The following NSUN6 variants were observed in gnomAD, a reference collection of about 807,000 sequenced individuals.
NSUN6 encodes the protein NOP2/Sun RNA methyltransferase 6.
A neutral mutation model predicts 58.0 loss-of-function variants in NSUN6; 64 were observed. The observed-to-expected ratio is 1.10, with a 90% CI of 0.90 to 1.36. NSUN6 has a LOEUF of 1.36. NSUN6 is among the 40% of genes most tolerant of loss of function. NSUN6 has a pLI of 0.00. For synonymous variants in NSUN6, 231 were observed against 193.9 expected, an observed-to-expected ratio of 1.19 and a Z score of -1.59; for missense variants, 701 against 550.1, an observed-to-expected ratio of 1.27 and a Z score of -2.74.
intron 3 of NSUN6, among the ~76,000 whole-genome samples, chr10:18,630,853 A>G (rs1270308670): frequency 6.6e-6 from 1 of 152,138 alleles, no homozygotes; most frequent in Non-Finnish European, 1.5e-5. Context: ...ATTCCTTCTG[A>G]AACTATTCCA....
chr10:18,602,238 G>GC (rs1262929791), intron 6 of NSUN6, among the ~76,000 whole-genome samples: 32 of 149,046 alleles, frequency 2.1e-4, no homozygotes, highest in African/African-American at 2.2e-4. Context: ...AATTTTTGTG[G>GC]GGTTTTTTTT....
chr10:18,579,235 C>A (rs572479397), intron 8 of NSUN6, among the ~76,000 whole-genome samples: 121 of 152,152 alleles, frequency 8.0e-4, no homozygotes, highest in African/African-American at 2.8e-3. Flanking sequence ...TGCAGTGGAG[C>A]GATCTCGGCT....
chr10:18,576,469 G>A (rs1159626105), intron 8 of NSUN6, among the ~76,000 whole-genome samples: 1 of 152,126 alleles, frequency 6.6e-6, no homozygotes, highest in East Asian at 1.9e-4. Flanking sequence ...CCACTAAAGA[G>A]CAAGGATGGA....
chr10:18,616,160 G>A (rs751112953), intron 4 of NSUN6, 24 bp downstream of exon 4: 10 of 1,263,884 alleles, frequency 7.9e-6, no homozygotes, highest in African/African-American at 4.5e-5. Context: ...GAACCTTAAA[G>A]ACAAATCTAA....
chr10:18,606,028 A>T (rs1013577612), intron 6 of NSUN6, among the ~76,000 whole-genome samples: 2 of 152,224 alleles, frequency 1.3e-5, no homozygotes, highest in Non-Finnish European at 2.9e-5. Context: ...GGAAAAAAAG[A>T]AATTACACAA....
At chr10:18,562,020 T>TGGAATGGAATGC (rs1388967393) in intron 8 of NSUN6, among the ~76,000 whole-genome samples, 2 of 147,578 alleles carry the variant, frequency 1.4e-5, no homozygotes, top group African/African-American at 5.1e-5. Flanking sequence ...GAATGGATAA[T>TGGAATGGAATGC]GGAATGGAAT....
chr10:18,598,193 T>C (rs534005450), intron 6 of NSUN6, among the ~76,000 whole-genome samples: 9 of 152,334 alleles, frequency 5.9e-5, no homozygotes, highest in Admixed American at 5.2e-4. Flanking sequence ...AGAATGTACT[T>C]TGTGAGATCC....
chr10:18,578,520 G>A (rs1180940346), intron 8 of NSUN6, among the ~76,000 whole-genome samples: 2 of 152,114 alleles, frequency 1.3e-5, no homozygotes, highest in Non-Finnish European at 2.9e-5. Context: ...TCAGGGGAAA[G>A]GGCTGCTCCC....
upstream of NSUN6, among the ~76,000 whole-genome samples, chr10:18,656,754 G>A (rs568129822): frequency 1.5e-4 from 23 of 150,912 alleles, no homozygotes; most frequent in Non-Finnish European, 2.8e-4. Flanking sequence ...GATTTTACTG[G>A]GATTCCAATT....
chr10:18,569,509 T>C (rs111208116), intron 8 of NSUN6, among the ~76,000 whole-genome samples: 1 of 151,748 alleles, frequency 6.6e-6, no homozygotes, highest in East Asian at 1.9e-4. Flanking sequence ...ATCCATTCCA[T>C]TCCATCCTCC....
At chr10:18,615,114 T>TATAC (rs2058365800) in intron 4 of NSUN6, among the ~76,000 whole-genome samples, 1 of 149,000 alleles carries the variant, frequency 6.7e-6, no homozygotes. Context: ...TTCATATATA[T>TATAC]ATATATATAT....
At chr10:18,630,106 A>G (rs1449180219) in intron 3 of NSUN6, among the ~76,000 whole-genome samples, 2 of 138,592 alleles carry the variant, frequency 1.4e-5, no homozygotes, top group African/African-American at 5.5e-5. Context: ...AACCTCACTC[A>G]AAACTGCTCA....
chr10:18,641,453 C>T (rs1052550646), intron 3 of NSUN6, among the ~76,000 whole-genome samples: 4 of 151,728 alleles, frequency 2.6e-5, no homozygotes, highest in Non-Finnish European at 5.9e-5. Context: ...GCAGCCTCCA[C>T]CTCCCAGGCT....
intron 3 of NSUN6, among the ~76,000 whole-genome samples, chr10:18,636,404 T>C (rs551935028): frequency 3.1e-3 from 469 of 149,132 alleles, no homozygotes; most frequent in Middle Eastern, 7.1e-3. Context: ...CTGGCACTTA[T>C]AATCCTAGCA....
chr10:18,596,363 C>T (rs779010748), intron 6 of NSUN6, 36 bp from the exon 7 acceptor site: 2 of 1,435,482 alleles, frequency 1.4e-6, no homozygotes, highest in Admixed American at 3.4e-5. Flanking sequence ...TATCAATAAT[C>T]CTAAAGCATT....
chr10:18,597,746 A>G (rs1156358086), intron 6 of NSUN6, among the ~76,000 whole-genome samples: 3 of 152,204 alleles, frequency 2.0e-5, no homozygotes, highest in African/African-American at 4.8e-5. Context: ...AGCCTGGGCA[A>G]TAAGAGCGAA....
chr10:18,583,428 C>G (rs923537538), intron 8 of NSUN6, among the ~76,000 whole-genome samples: 5 of 152,034 alleles, frequency 3.3e-5, no homozygotes, highest in African/African-American at 1.2e-4. Context: ...GACAGTATTA[C>G]CTAAAATGTC....
intron 1 of NSUN6, among the ~76,000 whole-genome samples, chr10:18,649,508 G>T (rs532516673): frequency 1.1e-4 from 16 of 151,772 alleles, no homozygotes; most frequent in Non-Finnish European, 2.4e-4. Context: ...CCTGTCTGAG[G>T]TCCCAGCTAC....
At chr10:18,579,065 CCA>C (rs2056790633) in intron 8 of NSUN6, among the ~76,000 whole-genome samples, 1 of 152,160 alleles carries the variant, frequency 6.6e-6, no homozygotes, top group East Asian at 1.9e-4. Context: ...AGAATGACCC[CCA>C]GACATACCTG....
Sources: allele counts gnomAD v4.1 joint callset (sites outside exome capture counted in the v4.1 genomes callset), GRCh38; gene constraint gnomAD v4.1.1; transcripts MANE v1.5; gene names NCBI Gene and HGNC (gene_info 2026-07-23, HGNC 2026-07-21).